ADAM9: variants seen among roughly 807,000 people sequenced by gnomAD.
ADAM9 encodes the protein disintegrin and metalloproteinase domain-containing protein 9.
Under a neutral mutation model 108.1 loss-of-function variants are expected in ADAM9, and 54 were observed. The observed-to-expected ratio is 0.50, with a 90% CI of 0.40 to 0.63. ADAM9 has a LOEUF of 0.63. Among genes scored for constraint, ADAM9 ranks in the 20% least tolerant of loss-of-function variants. The pLI is 0.00. For synonymous variants in ADAM9, 316 were observed against 336.0 expected (o/e 0.94, Z 0.65); for missense variants, 830 against 997.7 (o/e 0.83, Z 2.26).
At chr8:38,999,694 T>C (rs1205497870) in intron 1 of ADAM9, among the ~76,000 whole-genome samples, 3 of 152,236 alleles carry the variant, frequency 2.0e-5, no homozygotes, top group Non-Finnish European at 2.9e-5. Flanking sequence ...AATTAAAATA[T>C]GTACAAACCT....
At chr8:39,055,057 A>G (rs1838075717) in intron 13 of ADAM9, among the ~76,000 whole-genome samples, 1 of 152,142 alleles carries the variant, frequency 6.6e-6, no homozygotes, top group African/African-American at 2.4e-5. Flanking sequence ...GTAGTTCTAT[A>G]ATACATGGTT....
intron 12 of ADAM9, among the ~76,000 whole-genome samples, chr8:39,043,692 G>T (rs965540316): frequency 6.6e-6 from 1 of 151,900 alleles, no homozygotes; most frequent in Non-Finnish European, 1.5e-5. Flanking sequence ...ATTGCATATT[G>T]GTAAAGTGAG....
At chr8:39,080,659 T>C (rs1440509432) in intron 16 of ADAM9, among the ~76,000 whole-genome samples, 1 of 152,222 alleles carries the variant, frequency 6.6e-6, no homozygotes, top group Non-Finnish European at 1.5e-5. Flanking sequence ...ACTGACAACT[T>C]GGTACTTCTT....
rs756602553 is a variant in ADAM9 at position 39,104,336 on chromosome 8, A to G, written c.*636A>G. On this transcript the variant is annotated 3_prime_UTR_variant, in exon 22 of 22. Coordinates refer to ENST00000487273, the MANE Select transcript of ADAM9 (RefSeq NM_003816.3). ...AGAGTGTGTGTGTATTCACGCAGTT[A>G]CTCGCTTCCATTTTTATGACCTTTC... 13 of 451,636 alleles carry G rather than the reference A, an allele frequency of 2.9e-5. No individual in the cohort carries two copies. The highest frequency in any genetic ancestry group is 4.9e-5 in the Non-Finnish European group (11 of 225,118). 28.0% of individuals were successfully genotyped at this position (451,636 alleles called of 1,614,324 possible).
intron 20 of ADAM9, among the ~76,000 whole-genome samples, chr8:39,097,557 T>C (rs1049714470): frequency 6.6e-6 from 1 of 152,110 alleles, no homozygotes; most frequent in South Asian, 2.1e-4. Context: ...CCGCCCGCCC[T>C]GGCCTCCCAA....
At chr8:39,002,033 TAAAA>T (rs35778686) in intron 1 of ADAM9, among the ~76,000 whole-genome samples, 3 of 108,622 alleles carry the variant, frequency 2.8e-5, no homozygotes, top group African/African-American at 6.8e-5. Context: ...CTAGAATGAT[TAAAA>T]AAAAAAAAAA....
At chr8:39,046,223 A>G (rs1837769152) in intron 12 of ADAM9, among the ~76,000 whole-genome samples, 1 of 152,098 alleles carries the variant, frequency 6.6e-6, no homozygotes, top group East Asian at 1.9e-4. Context: ...TTTTGTTTTC[A>G]ATGCTATTGT....
At chr8:39,081,448 ATCT>A (rs1839022329) in intron 16 of ADAM9, among the ~76,000 whole-genome samples, 2 of 152,204 alleles carry the variant, frequency 1.3e-5, no homozygotes, top group Admixed American at 1.3e-4. Flanking sequence ...TGACAGGAAA[ATCT>A]TCTTTTAACT....
intron 12 of ADAM9, among the ~76,000 whole-genome samples, chr8:39,045,527 T>C (rs901919274): frequency 7.5e-6 from 1 of 133,690 alleles, no homozygotes; most frequent in Non-Finnish European, 1.6e-5. Context: ...CATATATATG[T>C]GCATATGTGT....
chr8:39,063,448 G>C (rs1219967878), intron 14 of ADAM9, among the ~76,000 whole-genome samples: 1 of 152,166 alleles, frequency 6.6e-6, no homozygotes, highest in Non-Finnish European at 1.5e-5. Context: ...AGAATTTAGA[G>C]GCTCAGCCAG....
At position 39,100,049 on chromosome 8, in the gene ADAM9, T is replaced by G. The variant is rs1019705782; in HGVS notation, c.2299-1814T>G. Among the ~76,000 whole-genome samples the G allele has an allele frequency of 3.3e-5, 5 of 151,894 alleles. 1 individual carries two copies. In the South Asian group the frequency reaches 1.0e-3, roughly 32 times the overall value. On this transcript the variant is annotated intron_variant, in intron 20 of 21. Transcript: ENST00000487273. ...CGTGCGCCATCATGCCCGGGTGATTTTTTTGTAGAGACGGGGTTTTGCCAT... is the reference window on the plus strand; with the variant it reads ...CGTGCGCCATCATGCCCGGGTGATTGTTTTGTAGAGACGGGGTTTTGCCAT...
chr8:39,037,441 A>AGTGTGT (rs748459761), intron 11 of ADAM9, among the ~76,000 whole-genome samples: 2 of 140,756 alleles, frequency 1.4e-5, no homozygotes, highest in Admixed American at 7.1e-5. Flanking sequence ...TATATATTTA[A>AGTGTGT]GTGTGTGTGT....
intron 12 of ADAM9, among the ~76,000 whole-genome samples, chr8:39,045,366 GTGTGTACA>G (rs1837688176): frequency 4.2e-5 from 5 of 118,096 alleles, no homozygotes; most frequent in Admixed American, 1.6e-4. Flanking sequence ...ACATATAGGT[GTGTGTACA>G]TACACCTATA....
At chr8:39,078,272 T>C (rs2129441969) in intron 16 of ADAM9, among the ~76,000 whole-genome samples, 2 of 151,506 alleles carry the variant, frequency 1.3e-5, no homozygotes, top group South Asian at 4.1e-4. Context: ...AAGAGATATA[T>C]ACATTTAAGT....
At chr8:39,006,626 G>A (rs980505790) in intron 1 of ADAM9, among the ~76,000 whole-genome samples, 2 of 151,334 alleles carry the variant, frequency 1.3e-5, no homozygotes, top group African/African-American at 4.8e-5. Flanking sequence ...AGGTTGTGTT[G>A]GACTTATCGA....
rs758011642 is a variant in ADAM9 at position 39,025,797 on chromosome 8, A to G, written c.915-6A>G. 1.5e-5 allele frequency: 25 copies of G among 1,613,482 alleles called. No individual in the cohort carries two copies. Among genetic ancestry groups the G allele is most frequent in the Middle Eastern group, 1.6e-4 (1 of 6,084 alleles). On this transcript the variant is annotated splice_region_variant and splice_polypyrimidine_tract_variant and intron_variant, in intron 9 of 21. Coordinates refer to ENST00000487273, the MANE Select transcript of ADAM9 (RefSeq NM_003816.3). ...AACATTTTTTAACTTTTACATTTTC[A>G]TTTAGAAAGAAAGGTTTTGGTGGAA... is the stretch of plus-strand genomic sequence containing the variant.
At chr8:39,012,225 T>G (rs1365912723) in intron 3 of ADAM9, among the ~76,000 whole-genome samples, 1 of 152,218 alleles carries the variant, frequency 6.6e-6, no homozygotes, top group Non-Finnish European at 1.5e-5. Flanking sequence ...CATCATATTT[T>G]CTGGGGAGCC....
rs1258916588 is a variant in ADAM9 at position 39,026,789 on chromosome 8, G to A, written c.1109G>A (p.Cys370Tyr). 1.9e-6 allele frequency: 3 copies of A among 1,612,168 alleles called. No homozygotes were observed. The highest frequency in any genetic ancestry group is 2.5e-6 in the Non-Finnish European group (3 of 1,179,770). ...GATTGTTCCTGTGGAGCAAAGAGCT[G>A]CATCATGAATTCAGGAGCATCGTGA... ...GRDCSCGAKS[C>Y]IMNSGASGSR... is the part of the protein sequence containing the mutation. The change falls in exon 11 of 22, where the codon TGC (cysteine) becomes TAC (tyrosine). Residue 370 changes from cysteine to tyrosine, a missense_variant. Physicochemically the swap from Cys to Tyr is radical, Grantham distance 194. This residue lies in a region of ADAM9 where 381 missense variants were observed against 539.8 expected (regional missense o/e 0.71). Transcript: ENST00000487273.
At chr8:39,067,938 A>T (rs1338328673) in intron 14 of ADAM9, among the ~76,000 whole-genome samples, 1 of 152,148 alleles carries the variant, frequency 6.6e-6, no homozygotes, top group East Asian at 1.9e-4. Context: ...TAATGTATTG[A>T]GAGTTTTTAG....
Sources: allele counts gnomAD v4.1 joint callset (sites outside exome capture counted in the v4.1 genomes callset), GRCh38; gene constraint gnomAD v4.1.1; regional missense constraint gnomAD v4.1.1; transcripts MANE v1.5; gene names NCBI Gene and HGNC (gene_info 2026-07-23, HGNC 2026-07-21).